TNS3: variants seen among roughly 807,000 people sequenced by gnomAD.
The protein encoded by TNS3 is tensin-3.
A neutral mutation model predicts 140.9 loss-of-function variants in TNS3; 45 were observed. That is an observed-to-expected ratio of 0.32 (90% CI 0.25 to 0.41). The LOEUF is 0.41. TNS3 is among the 10% of genes least tolerant of loss of function. The pLI, the probability that TNS3 is intolerant of heterozygous loss-of-function variation, is 1.00. For missense variants in TNS3, 1,716 were observed against 1,906.7 expected (o/e 0.90, Z 1.86); for synonymous variants, 815 against 788.4 (o/e 1.03, Z -0.56).
intron 2 of TNS3, among the ~76,000 whole-genome samples, chr7:47,512,627 G>A (rs1199266190): frequency 1.3e-5 from 2 of 152,168 alleles, no homozygotes; most frequent in South Asian, 4.1e-4. Context: ...ATGCGCGGTG[G>A]CCTCATCTAT....
intron 1 of TNS3, among the ~76,000 whole-genome samples, chr7:47,552,497 C>G (rs1465064127): frequency 6.6e-6 from 1 of 152,150 alleles, no homozygotes; most frequent in Non-Finnish European, 1.5e-5. Flanking sequence ...CTTCTGGTCC[C>G]TGTGTCACAT....
intron 20 of TNS3, among the ~76,000 whole-genome samples, chr7:47,337,285 C>T (rs1332044881): frequency 7.9e-5 from 12 of 152,216 alleles, no homozygotes; most frequent in Admixed American, 7.9e-4. Context: ...TCCTTACAGC[C>T]TTTAACTAAC....
chr7:47,578,321 T>G (rs773356518), intron 1 of TNS3, among the ~76,000 whole-genome samples: 11 of 151,708 alleles, frequency 7.3e-5, no homozygotes, highest in Non-Finnish European at 1.3e-4. Flanking sequence ...AAAATAAAAA[T>G]AAAAAAATAA....
chr7:47,415,604 G>A (rs910734428), intron 10 of TNS3, among the ~76,000 whole-genome samples: 1 of 152,238 alleles, frequency 6.6e-6, no homozygotes, highest in Non-Finnish European at 1.5e-5. Context: ...TGCACCTATG[G>A]CAGGGTCACA....
intron 27 of TNS3, among the ~76,000 whole-genome samples, chr7:47,284,716 G>A (rs1266753741): frequency 6.6e-6 from 1 of 152,220 alleles, no homozygotes. Flanking sequence ...CTTGCCCCTT[G>A]TCTACTGTAT....
chr7:47,422,357 C>T (rs917648392), intron 10 of TNS3, among the ~76,000 whole-genome samples: 1 of 152,178 alleles, frequency 6.6e-6, no homozygotes, highest in Non-Finnish European at 1.5e-5. Flanking sequence ...CTCACACGTG[C>T]AATCCCAGCA....
intron 16 of TNS3, among the ~76,000 whole-genome samples, chr7:47,394,191 G>A (rs976152621): frequency 1.7e-4 from 26 of 152,208 alleles, no homozygotes; most frequent in African/African-American, 6.0e-4. Context: ...ATCTGCTATG[G>A]ACTGAATATT....
intron 16 of TNS3, among the ~76,000 whole-genome samples, chr7:47,390,609 G>A (rs73111078): frequency 0.057 from 8,724 of 152,230 alleles, 300 homozygotes; most frequent in East Asian, 0.11. Context: ...CACGGCCCTC[G>A]TCCTGCACAC....
intron 1 of TNS3, among the ~76,000 whole-genome samples, chr7:47,580,088 A>T (rs1323171102): frequency 6.6e-6 from 1 of 152,094 alleles, no homozygotes; most frequent in African/African-American, 2.4e-5. Context: ...TTTTTTAAAG[A>T]CATAATTCAG....
chr7:47,451,536 G>A (rs1189702063), intron 4 of TNS3, among the ~76,000 whole-genome samples: 1 of 151,992 alleles, frequency 6.6e-6, no homozygotes, highest in East Asian at 1.9e-4. Context: ...AGCCGAGATG[G>A]TGCCACTGCA....
intron 4 of TNS3, chr7:47,452,899 C>G: frequency 3.0e-6 from 3 of 985,262 alleles, no homozygotes; most frequent in Non-Finnish European, 3.6e-6. Flanking sequence ...GCCAGCCCAG[C>G]CGAGAGGCGG....
intron 1 of TNS3, among the ~76,000 whole-genome samples, chr7:47,550,420 AGGC>A (rs1800030734): frequency 6.6e-6 from 1 of 152,208 alleles, no homozygotes; most frequent in East Asian, 1.9e-4. Context: ...CCGTCCTGTA[AGGC>A]GGTAACCTTG....
At chr7:47,567,030 CAAAAAAAAA>C (rs541987899) in intron 1 of TNS3, among the ~76,000 whole-genome samples, 6 of 98,712 alleles carry the variant, frequency 6.1e-5, no homozygotes, top group African/African-American at 7.9e-5. Flanking sequence ...GACTCCATCT[CAAAAAAAAA>C]AAAAAAAAAA....
intron 1 of TNS3, among the ~76,000 whole-genome samples, chr7:47,563,959 C>T (rs1455506858): frequency 6.6e-6 from 1 of 150,834 alleles, no homozygotes; most frequent in Non-Finnish European, 1.5e-5. Context: ...TTTGGGAGGC[C>T]AAGATGGGCA....
chr7:47,401,465 G>A (rs546047224), intron 13 of TNS3, among the ~76,000 whole-genome samples: 2 of 152,232 alleles, frequency 1.3e-5, no homozygotes, highest in Non-Finnish European at 2.9e-5. Flanking sequence ...TACAAAGAAG[G>A]AGGAAGGGAG....
At chr7:47,291,188 C>T (rs764690748) in intron 27 of TNS3, among the ~76,000 whole-genome samples, 3 of 151,970 alleles carry the variant, frequency 2.0e-5, no homozygotes, top group Admixed American at 1.3e-4. Flanking sequence ...GGAGGGAGAA[C>T]GAACAGAAAA....
chr7:47,388,115 G>A (rs1313351026), intron 16 of TNS3, among the ~76,000 whole-genome samples: 1 of 152,140 alleles, frequency 6.6e-6, no homozygotes, highest in Non-Finnish European at 1.5e-5. Flanking sequence ...CTCCTACCAG[G>A]AGATGGACAT....
In TNS3 at chr7:47,389,605, C is replaced by A. The variant is rs35444571; in HGVS notation, c.1024+7195G>T. Among the ~76,000 whole-genome samples the A allele has an allele frequency of 6.0e-4, 37 of 61,376 alleles. 1 individual carries two copies. The highest frequency in any genetic ancestry group is 1.0e-3 in the Non-Finnish European group (34 of 34,092). 40.3% of individuals were successfully genotyped at this position (61,376 alleles called of 152,430 possible). A position where few individuals can be genotyped will look rare whatever the true frequency, so the allele number is the denominator to read the frequency against. ...CTCTTTTGACTGCCCCCAATGCCAC[C>A]CTCCTCTTCTGATGGAGTGTATCAA... is the stretch of plus-strand genomic sequence containing the variant. On this transcript the variant is annotated intron_variant, in intron 16 of 30. Coordinates refer to ENST00000311160, the MANE Select transcript of TNS3 (RefSeq NM_022748.12).
intron 4 of TNS3, among the ~76,000 whole-genome samples, chr7:47,456,679 G>A (rs1446128783): frequency 2.6e-5 from 4 of 152,138 alleles, no homozygotes; most frequent in African/African-American, 9.7e-5. Context: ...TGCTGAGACA[G>A]CAACAGGGAA....
Sources: gnomAD v4.1 joint callset for allele counts (sites outside exome capture counted in the v4.1 genomes callset) on GRCh38, gnomAD v4.1.1 for gene constraint, MANE v1.5 for transcripts, NCBI Gene and HGNC (gene_info 2026-07-23, HGNC 2026-07-21) for gene names.